Variants in ZNF318 observed in about 807,000 individuals in gnomAD.
The protein encoded by ZNF318 is endocrine regulator.
In ZNF318, 51 loss-of-function variants were observed where a neutral mutation model predicts 124.2. The ratio of observed to expected loss-of-function variants is 0.41; its 90% CI spans 0.33 to 0.52. ZNF318 has a LOEUF of 0.52. Ranked by LOEUF, ZNF318 falls within the 20% of genes least tolerant of loss-of-function variation. The pLI is 0.23. For missense variants in ZNF318, 2,815 were observed against 2,811.2 expected (o/e 1.00, Z -0.03); for synonymous variants, 1,090 against 1,040.7 (o/e 1.05, Z -0.91).
intron 2 of ZNF318, among the ~76,000 whole-genome samples, chr6:43,363,168 A>C (rs1581651662): frequency 6.6e-6 from 1 of 152,302 alleles, no homozygotes; most frequent in Middle Eastern, 3.4e-3. Context: ...TGTGCATAAC[A>C]AAGTTTATGC....
intron 5 of ZNF318, among the ~76,000 whole-genome samples, chr6:43,351,486 T>G (rs1013990088): frequency 6.6e-6 from 1 of 152,094 alleles, no homozygotes; most frequent in Non-Finnish European, 1.5e-5. Flanking sequence ...AAAAGGCCAG[T>G]GCAGTGACTC....
rs1374753951 is a variant in ZNF318, at chr6:43,363,682, G to A, written c.548+1610C>T. On this transcript the variant is annotated intron_variant, in intron 2 of 9. Transcript: ENST00000361428. Reference sequence around the variant, plus strand: ...CTACCTCTTCTTCCTGCCCATCAAGGAATCTGAGATCACTGACTTTTTCCT... The same window carrying A: ...CTACCTCTTCTTCCTGCCCATCAAGAAATCTGAGATCACTGACTTTTTCCT... The A allele has an allele frequency of 1.6e-5, 9 of 550,298 alleles. No homozygotes were observed. In the East Asian group the frequency reaches 2.3e-4, roughly 14 times the overall value. 34.1% of individuals were successfully genotyped at this position (550,298 alleles called of 1,614,324 possible). A position where few individuals can be genotyped will look rare whatever the true frequency, so the allele number is the denominator to read the frequency against.
rs1353135117 is a variant in ZNF318, at chr6:43,338,304, G to C, written c.5694C>G (p.Ala1898=). 1 of 1,614,062 alleles carries C rather than the reference G, an allele frequency of 6.2e-7. No individual in the cohort carries two copies. Among genetic ancestry groups the C allele is most frequent in the Admixed American group, 1.7e-5 (1 of 60,004 alleles). ...TACCTGTTAAACACATAGCTGATCT[G>C]GCTGGGGAATGAAGCAGCAACTCTG... is the stretch of plus-strand genomic sequence containing the variant. ...SAPELLLHSP[A]RSAMCLTGSP... Residue 1898 remains alanine, a synonymous_variant, in exon 10 of 10, where the codon GCC becomes GCG. Transcript: ENST00000361428.
In ZNF318 at chr6:43,357,119, C is replaced by G. The variant is rs190568896; in HGVS notation, c.1188+7G>C. ...GCAAGAGGCCCTACAAGAAATGCAG[C>G]AGAGACCTGCATGGAGGGCTCCATT... On this transcript the variant is annotated splice_region_variant and intron_variant, in intron 3 of 9. Transcript: ENST00000361428. 1.2e-6 allele frequency: 2 copies of G among 1,601,764 alleles called. No individual in the cohort carries two copies. The highest frequency in any genetic ancestry group is 2.7e-5 in the African/African-American group (2 of 74,724).
Position 43,340,224 on chromosome 6 carries a change from C to A in ZNF318, c.3774G>T (p.Gln1258His), listed in dbSNP as rs777975065. The A allele has an allele frequency of 6.2e-7, 1 of 1,614,082 alleles. No individual in the cohort carries two copies. Reference protein sequence around the residue: ...ENKRNTGIKLQLKEEVKKESP... With the variant: ...ENKRNTGIKLHLKEEVKKESP... ...ATTCCTTCTTTACCTCTTCTTTTAA[C>A]TGGAGTTTGATGCCAGTGTTCCTTT... The change falls in exon 10 of 10, where the codon CAG (glutamine) becomes CAT (histidine). Residue 1258 changes from glutamine (Q) to histidine (H), a missense_variant. By Grantham distance (24) the Gln-to-His change is conservative (BLOSUM62 0). Around this residue, in one of 4 missense-constraint regions of ZNF318, gnomAD observed 500 missense variants for 605.2 expected, o/e 0.83. Transcript: ENST00000361428.
rs565235866 is a variant in ZNF318, at chr6:43,337,259, C to T, written c.6739G>A (p.Glu2247Lys). 56 of 1,614,154 alleles carry T rather than the reference C, an allele frequency of 3.5e-5. No homozygotes were observed. The South Asian group carries it at 5.9e-4, about 17-fold the overall frequency. The change falls in exon 10 of 10, where the codon GAG becomes AAG. Residue 2247 changes from glutamate (E) to lysine (K), a missense_variant. Glu to Lys is a moderately conservative substitution (Grantham distance 56). This residue lies in a region of ZNF318 where 927 missense variants were observed against 820.6 expected (regional missense o/e 1.13). Coordinates refer to ENST00000361428, the MANE Select transcript of ZNF318 (RefSeq NM_014345.3). Reference sequence around the variant, plus strand: ...ACCATATTGTCTTCAATTACCTGCTCCCTTGGAGGGGACCTTGACACTGGA... The same window carrying T: ...ACCATATTGTCTTCAATTACCTGCTTCCTTGGAGGGGACCTTGACACTGGA... Reference protein sequence around the residue: ...KAPVSRSPPREQVIEDNMVPQ... With the variant: ...KAPVSRSPPRKQVIEDNMVPQ...
In ZNF318 at chr6:43,337,963, G is replaced by A; in HGVS notation, c.6035C>T (p.Thr2012Ile). ...EATDLKVEELTALGNLGDMPV... is the reference protein window; with the variant it reads ...EATDLKVEELIALGNLGDMPV... ...CATATCCCCCAGATTCCCCAGGGCA[G>A]TAAGCTCCTCTACCTTTAAGTCTGT... The change falls in exon 10 of 10, where the codon ACT (threonine) becomes ATT (isoleucine). Residue 2012 changes from threonine (T) to isoleucine (I), a missense_variant. This residue lies in a region of ZNF318 where 927 missense variants were observed against 820.6 expected (regional missense o/e 1.13). Coordinates refer to ENST00000361428, the MANE Select transcript of ZNF318 (RefSeq NM_014345.3). 1 of 1,614,216 alleles carries A rather than the reference G, an allele frequency of 6.2e-7. No individual in the cohort carries two copies. Among genetic ancestry groups the A allele is most frequent in the Non-Finnish European group, 8.5e-7 (1 of 1,180,042 alleles).
At chr6:43,349,928 A>G (rs1779503044) in intron 5 of ZNF318, among the ~76,000 whole-genome samples, 1 of 152,078 alleles carries the variant, frequency 6.6e-6, no homozygotes, top group South Asian at 2.1e-4. Context: ...CAGCCTGAAC[A>G]ACAGAATGAG....
intron 5 of ZNF318, among the ~76,000 whole-genome samples, chr6:43,351,859 G>A (rs796829672): frequency 6.6e-6 from 1 of 152,236 alleles, no homozygotes; most frequent in South Asian, 2.1e-4. Context: ...TTAATAATCT[G>A]GCAGGGTGTG....
intron 5 of ZNF318, among the ~76,000 whole-genome samples, chr6:43,350,454 T>C (rs1158949471): frequency 2.6e-5 from 4 of 151,976 alleles, no homozygotes; most frequent in Non-Finnish European, 5.9e-5. Flanking sequence ...AATAAACAAA[T>C]GGGAGTGAGG....
chr6:43,347,584 T>A (rs528674928), intron 6 of ZNF318, among the ~76,000 whole-genome samples: 2 of 151,758 alleles, frequency 1.3e-5, no homozygotes, highest in African/African-American at 4.8e-5. Flanking sequence ...TGGAAGGAGG[T>A]TGAGCACAAC....
intron 1 of ZNF318, among the ~76,000 whole-genome samples, chr6:43,367,878 G>A (rs527316045): frequency 2.6e-4 from 39 of 152,124 alleles, no homozygotes; most frequent in Non-Finnish European, 5.4e-4. Context: ...TAAAAAAAGA[G>A]GCCGGGCATG....
intron 2 of ZNF318, among the ~76,000 whole-genome samples, chr6:43,359,426 T>C (rs1779652375): frequency 6.6e-6 from 1 of 152,200 alleles, no homozygotes; most frequent in Admixed American, 6.5e-5. Flanking sequence ...CTAAAGTTTC[T>C]GATTTAAATC....
At chr6:43,353,315 T>C (rs1779559247) in intron 4 of ZNF318, among the ~76,000 whole-genome samples, 2 of 152,060 alleles carry the variant, frequency 1.3e-5, no homozygotes, top group African/African-American at 4.8e-5. Flanking sequence ...TTCCCAATAA[T>C]TGGCTAAAAC....
rs767844232 is a variant in ZNF318, at chr6:43,337,360, G to A, written c.6638C>T (p.Ser2213Leu). The A allele has an allele frequency of 2.5e-5, 41 of 1,614,004 alleles. No individual in the cohort carries two copies. The highest frequency in any genetic ancestry group is 7.7e-5 in the South Asian group (7 of 91,092). The change falls in exon 10 of 10, where the codon TCG (serine) becomes TTG (leucine). Residue 2213 changes from serine (S) to leucine (L), a missense_variant. Around this residue, in one of 4 missense-constraint regions of ZNF318, gnomAD observed 927 missense variants for 820.6 expected, o/e 1.13. Coordinates refer to ENST00000361428, the MANE Select transcript of ZNF318 (RefSeq NM_014345.3). ...TGCCACCTCTGTGGTGGATGCATTC[G>A]ATATTTCTAGCTGTAATGGCCCCAA... is the stretch of plus-strand genomic sequence containing the variant. Reference protein sequence around the residue: ...LELGPLQLEISNASTTEVAIL... With the variant: ...LELGPLQLEILNASTTEVAIL...
chr6:43,351,718 A>C (rs1264992868), intron 5 of ZNF318, among the ~76,000 whole-genome samples: 1 of 151,612 alleles, frequency 6.6e-6, no homozygotes, highest in Non-Finnish European at 1.5e-5. Flanking sequence ...CCAAGACTGC[A>C]CCACTGCACT....
chr6:43,337,182 G>A lies in ZNF318; in HGVS notation c.6816C>T (p.His2272=). The A allele has an allele frequency of 6.2e-7, 1 of 1,603,232 alleles. No homozygotes were observed. The highest frequency in any genetic ancestry group is 8.5e-7 in the Non-Finnish European group (1 of 1,173,990). The stretch of plus-strand genomic sequence containing the variant: ...CTTAGTTGTGAACACTGGATTCTGT[G>A]TGGTCCTGGATGGCACCAACTGTAG... ...QETTVGAIQD[H]TESSVHN The change falls in exon 10 of 10, where the codon CAC becomes CAT. Residue 2272 remains histidine (H), a synonymous_variant. Coordinates refer to ENST00000361428, the MANE Select transcript of ZNF318 (RefSeq NM_014345.3).
Position 43,369,303 on chromosome 6 carries a change from G to GC in ZNF318, c.62dup (p.Gly22ArgfsTer121). On this transcript the variant is annotated frameshift_variant, in exon 1 of 10. Transcript: ENST00000361428. LOFTEE classifies it high-confidence loss of function. The stretch of plus-strand genomic sequence containing the variant: ...CAGAGCTGCGGCCGCTGCGCGGGCC[G>GC]CCCCCGCCGTCGTCTTTAGGCCGGT... 3.0e-6 allele frequency: 4 copies of GC among 1,342,194 alleles called. No individual in the cohort carries two copies. The highest frequency in any genetic ancestry group is 3.8e-6 in the Non-Finnish European group (4 of 1,039,832). 83.1% of individuals were successfully genotyped at this position (1,342,194 alleles called of 1,614,324 possible). A position where few individuals can be genotyped will look rare whatever the true frequency, so the allele number is the denominator to read the frequency against.
At chr6:43,343,050 T>C (rs147418557) in intron 6 of ZNF318, among the ~76,000 whole-genome samples, 171 bp from the exon 7 acceptor site, 4 of 152,286 alleles carry the variant, frequency 2.6e-5, no homozygotes, top group Non-Finnish European at 5.9e-5. Flanking sequence ...CTCTAAGACA[T>C]AGAACTATTT....
Sources: gnomAD v4.1 joint callset for allele counts (sites outside exome capture counted in the v4.1 genomes callset) on GRCh38, gnomAD v4.1.1 for gene constraint, gnomAD v4.1.1 regional missense constraint, MANE v1.5 for transcripts, NCBI Gene and HGNC (gene_info 2026-07-23, HGNC 2026-07-21) for gene names.